Variants in CNTN3 observed in about 807,000 individuals in gnomAD.
The protein encoded by CNTN3 is contactin 3, also known as contactin-3.
Under a neutral mutation model 119.1 loss-of-function variants are expected in CNTN3, and 60 were observed. That is an observed-to-expected ratio of 0.50 (90% CI 0.41 to 0.62). CNTN3 has a LOEUF of 0.62. CNTN3 is among the 20% of genes least tolerant of loss of function. CNTN3 has a pLI of 0.00. For synonymous variants in CNTN3, 450 were observed against 438.7 expected (o/e 1.03, Z -0.32); for missense variants, 1,101 against 1,242.4 (o/e 0.89, Z 1.71).
chr3:74,564,488 A>G (rs1704198793), intron 1 of CNTN3, among the ~76,000 whole-genome samples: 1 of 151,568 alleles, frequency 6.6e-6, no homozygotes, highest in African/African-American at 2.4e-5. Context: ...TGCCCCAGGG[A>G]GAAGGTACTG....
At chr3:74,436,748 C>CAA (rs1701873243) in intron 4 of CNTN3, among the ~76,000 whole-genome samples, 9 of 152,128 alleles carry the variant, frequency 5.9e-5, no homozygotes, top group Admixed American at 5.9e-4. Context: ...ACCATAAAAG[C>CAA]TGGAAATACA....
At chr3:74,336,230 A>G (rs1028626061) in intron 12 of CNTN3, among the ~76,000 whole-genome samples, 4 of 152,150 alleles carry the variant, frequency 2.6e-5, no homozygotes, top group Non-Finnish European at 4.4e-5. Context: ...TGTATCCTAA[A>G]GACCTGACAT....
In CNTN3 at chr3:74,368,339, C is replaced by T. The variant is rs555591024; in HGVS notation, c.946+850G>A. ...ACGTGTTGCAAGATGTTTCAATTTC[C>T]AAATTCTAAAATAAATAGAATATAA... On this transcript the variant is annotated intron_variant, in intron 8 of 22. Transcript: ENST00000263665. Among the ~76,000 whole-genome samples the T allele has an allele frequency of 2.7e-3, 408 of 152,070 alleles. 1 individual carries two copies. The highest frequency in any genetic ancestry group is 4.9e-3 in the Non-Finnish European group (331 of 67,952).
chr3:74,542,305 A>G (rs1266777196), intron 1 of CNTN3, among the ~76,000 whole-genome samples: 2 of 152,214 alleles, frequency 1.3e-5, no homozygotes, highest in East Asian at 1.9e-4. Context: ...TATAAATTTC[A>G]TCCTATAGAG....
chr3:74,292,641 A>G (rs952388015), intron 19 of CNTN3, among the ~76,000 whole-genome samples: 2 of 152,216 alleles, frequency 1.3e-5, no homozygotes, highest in African/African-American at 4.8e-5. Flanking sequence ...AATCTTATCC[A>G]ATCCTCCCAA....
chr3:74,568,940 G>T (rs1484189056), intron 1 of CNTN3, among the ~76,000 whole-genome samples: 1 of 152,150 alleles, frequency 6.6e-6, no homozygotes, highest in Non-Finnish European at 1.5e-5. Flanking sequence ...GTGGCTTTGG[G>T]TCTTGGACTT....
intron 1 of CNTN3, among the ~76,000 whole-genome samples, chr3:74,603,103 A>G (rs904830850): frequency 1.4e-4 from 22 of 152,226 alleles, no homozygotes; most frequent in African/African-American, 5.1e-4. Context: ...GATCTCATAC[A>G]CACAAAATAT....
At chr3:74,583,752 A>G in intron 1 of CNTN3, among the ~76,000 whole-genome samples, 1 of 152,236 alleles carries the variant, frequency 6.6e-6, no homozygotes, top group East Asian at 1.9e-4. Flanking sequence ...AAAAATGAAA[A>G]TAATCTATTA....
At chr3:74,570,772 T>C (rs182478423) in intron 1 of CNTN3, among the ~76,000 whole-genome samples, 8 of 152,294 alleles carry the variant, frequency 5.3e-5, no homozygotes, top group Non-Finnish European at 1.0e-4. Context: ...GAATCACCAA[T>C]TCTCTGACGT....
At position 74,358,900 on chromosome 3, in the gene CNTN3, G is replaced by A. The variant is rs912883255; in HGVS notation, c.1364+2990C>T. Among the ~76,000 whole-genome samples, 6 of 151,562 alleles carry A rather than the reference G, an allele frequency of 4.0e-5. No homozygotes were observed. In the East Asian group the frequency reaches 9.8e-4, roughly 25 times the overall value. On this transcript the variant is annotated intron_variant, in intron 11 of 22. Coordinates refer to ENST00000263665, the MANE Select transcript of CNTN3 (RefSeq NM_020872.3). ...CTTGCGATAGTTTACTGAGAATGAT[G>A]ATTTCCAATTTCATCCATGTCCCTA...
chr3:74,305,968 A>T (rs1376687966), intron 13 of CNTN3, among the ~76,000 whole-genome samples: 1 of 151,864 alleles, frequency 6.6e-6, no homozygotes, highest in East Asian at 1.9e-4. Context: ...CCAAACTCCA[A>T]CTTCTTTCAT....
At chr3:74,489,244 C>T (rs1702917192) in intron 3 of CNTN3, among the ~76,000 whole-genome samples, 1 of 152,104 alleles carries the variant, frequency 6.6e-6, no homozygotes, top group Non-Finnish European at 1.5e-5. Flanking sequence ...TTCCCAGTGA[C>T]TAATATGCAT....
At chr3:74,463,060 C>A (rs773019309) in intron 4 of CNTN3, among the ~76,000 whole-genome samples, 15 of 152,050 alleles carry the variant, frequency 9.9e-5, no homozygotes, top group Non-Finnish European at 1.8e-4. Flanking sequence ...TAGTTACTGG[C>A]ACTTAGAACT....
chr3:74,347,918 T>C (rs1703730928), intron 11 of CNTN3, among the ~76,000 whole-genome samples: 1 of 152,220 alleles, frequency 6.6e-6, no homozygotes, highest in Non-Finnish European at 1.5e-5. Context: ...TGGATGAACC[T>C]AGAGGACATT....
At chr3:74,334,333 C>T (rs543183766) in intron 13 of CNTN3, among the ~76,000 whole-genome samples, 29 of 152,228 alleles carry the variant, frequency 1.9e-4, no homozygotes, top group African/African-American at 7.0e-4. Context: ...ATGATGTACC[C>T]TGGCCTGACA....
At position 74,295,182 on chromosome 3, in the gene CNTN3, A is replaced by G. The variant is rs1702313712; in HGVS notation, c.2456T>C (p.Ile819Thr). The G allele has an allele frequency of 6.2e-7, 1 of 1,613,584 alleles. No individual in the cohort carries two copies. The highest frequency in any genetic ancestry group is 8.5e-7 in the Non-Finnish European group (1 of 1,179,550). ...AGGAATGGTGTTCCATGAAACCTCA[A>G]TTTCTGAGGAAGATAGGCTATTTGC... is the stretch of plus-strand genomic sequence containing the variant. ...VSANSLSSSE[I>T]EVSWNTIPWK... The change falls in exon 19 of 23, where the codon ATT becomes ACT. Residue 819 changes from isoleucine (I) to threonine (T), a missense_variant. Physicochemically the swap from Ile to Thr is moderately conservative, Grantham distance 89. Transcript: ENST00000263665.
At chr3:74,389,371 T>C (rs1386119484) in intron 5 of CNTN3, among the ~76,000 whole-genome samples, 1 of 152,136 alleles carries the variant, frequency 6.6e-6, no homozygotes, top group Non-Finnish European at 1.5e-5. Flanking sequence ...AAACCTCTAT[T>C]TAAAAGCCAT....
At chr3:74,424,694 T>C (rs2106897448) in intron 5 of CNTN3, 151 bp downstream of exon 5, 1 of 689,780 alleles carries the variant, frequency 1.4e-6, no homozygotes, top group Non-Finnish European at 2.6e-6. Context: ...TTTTTTGTAG[T>C]GTTCCTCATA....
intron 5 of CNTN3, among the ~76,000 whole-genome samples, chr3:74,409,530 G>A (rs1023581416): frequency 6.6e-6 from 1 of 150,472 alleles, no homozygotes; most frequent in Non-Finnish European, 1.5e-5. Flanking sequence ...TTTTTTAACA[G>A]TACTATTAAT....
Sources: allele counts gnomAD v4.1 joint callset (sites outside exome capture counted in the v4.1 genomes callset), GRCh38; gene constraint gnomAD v4.1.1; transcripts MANE v1.5; gene names NCBI Gene and HGNC (gene_info 2026-07-23, HGNC 2026-07-21).